ZNF521: variants seen among roughly 807,000 people sequenced by gnomAD.
ZNF521 encodes the protein LYST-interacting protein 3.
In ZNF521, 14 loss-of-function variants were observed where a neutral mutation model predicts 105.5. That is an observed-to-expected ratio of 0.13 (90% CI 0.09 to 0.21). The LOEUF (loss-of-function observed/expected upper bound fraction) is 0.21. Among genes scored for constraint, ZNF521 ranks in the 10% least tolerant of loss-of-function variants. The pLI is 1.00. For missense variants in ZNF521, 1,233 were observed against 1,629.7 expected (o/e 0.76, Z 4.19); for synonymous variants, 635 against 606.0 (o/e 1.05, Z -0.70).
intron 7 of ZNF521, among the ~76,000 whole-genome samples, chr18:25,068,820 T>C (rs1423272484): frequency 6.6e-6 from 1 of 152,170 alleles, no homozygotes; most frequent in African/African-American, 2.4e-5. Flanking sequence ...CCCAGAAGCA[T>C]ATACTGTACG....
chr18:25,352,104 C>T lies in ZNF521; in HGVS notation c.-101G>A. On this transcript the variant is annotated 5_prime_UTR_variant, in exon 1 of 8. Transcript: ENST00000361524. ...CCATCAGGATGGCTCCAGAGGGGGC[C>T]CCTAACCCGCAGGGACTCGCTCTGT... 2.1e-6 allele frequency: 1 copy of T among 481,308 alleles called. No individual in the cohort carries two copies. The highest frequency in any genetic ancestry group is 4.2e-6 in the Non-Finnish European group (1 of 238,542). 29.8% of individuals were successfully genotyped at this position (481,308 alleles called of 1,614,324 possible). A position where few individuals can be genotyped will look rare whatever the true frequency, so the allele number is the denominator to read the frequency against.
chr18:25,327,662 T>C (rs2145164126), intron 2 of ZNF521: 1 of 519,360 alleles, frequency 1.9e-6, no homozygotes, highest in South Asian at 1.4e-5. Flanking sequence ...TTGTGCTTTC[T>C]GGGCTCTAGA....
chr18:25,086,226 T>A (rs2033620245), intron 7 of ZNF521, among the ~76,000 whole-genome samples: 1 of 152,138 alleles, frequency 6.6e-6, no homozygotes, highest in South Asian at 2.1e-4. Context: ...TAGAAAATTT[T>A]TTTTCACTTG....
intron 5 of ZNF521, among the ~76,000 whole-genome samples, chr18:25,116,925 A>ATG (rs2034324806): frequency 7.0e-6 from 1 of 142,114 alleles, no homozygotes; most frequent in South Asian, 2.1e-4. Flanking sequence ...ATATCTATGT[A>ATG]TATATATACG....
At chr18:25,172,035 A>G (rs989936864) in intron 5 of ZNF521, among the ~76,000 whole-genome samples, 3 of 151,464 alleles carry the variant, frequency 2.0e-5, no homozygotes, top group Non-Finnish European at 4.4e-5. Context: ...TTTGGGGGGG[A>G]AGAGGGGGCA....
At chr18:25,256,989 T>C (rs1173007124) in intron 3 of ZNF521, among the ~76,000 whole-genome samples, 1 of 152,082 alleles carries the variant, frequency 6.6e-6, no homozygotes, top group Non-Finnish European at 1.5e-5. Flanking sequence ...AGGAACATTC[T>C]GGGCGAAGTC....
chr18:25,303,464 A>C (rs2145078422), intron 3 of ZNF521, among the ~76,000 whole-genome samples: 1 of 151,976 alleles, frequency 6.6e-6, no homozygotes. Context: ...TGCCCGGCTA[A>C]TTTTTGTAGT....
At chr18:25,143,630 T>A (rs2144450286) in intron 5 of ZNF521, among the ~76,000 whole-genome samples, 1 of 152,238 alleles carries the variant, frequency 6.6e-6, no homozygotes, top group Non-Finnish European at 1.5e-5. Context: ...GTAGCAAAGA[T>A]GCTAAGTAAC....
intron 5 of ZNF521, among the ~76,000 whole-genome samples, chr18:25,172,329 C>T (rs571374574): frequency 1.3e-5 from 2 of 152,232 alleles, no homozygotes; most frequent in East Asian, 1.9e-4. Flanking sequence ...TTTCTATTGC[C>T]GATTTTGGCA....
chr18:25,267,944 C>T (rs1195171689), intron 3 of ZNF521, among the ~76,000 whole-genome samples: 1 of 152,156 alleles, frequency 6.6e-6, no homozygotes, highest in Non-Finnish European at 1.5e-5. Context: ...CACAAATTGA[C>T]AGAAGTAGGC....
At chr18:25,321,959 CAGAAAT>C in intron 3 of ZNF521, 43 bp downstream of exon 3, 1 of 1,519,640 alleles carries the variant, frequency 6.6e-7, no homozygotes, top group East Asian at 2.3e-5. Context: ...CTGAAAAAAT[CAGAAAT>C]AGAACAGTAC....
At chr18:25,108,266 G>T (rs1455791429) in intron 5 of ZNF521, among the ~76,000 whole-genome samples, 1 of 152,132 alleles carries the variant, frequency 6.6e-6, no homozygotes, top group Non-Finnish European at 1.5e-5. Context: ...ACAGTGCACT[G>T]AAAATTGCAT....
At chr18:25,301,911 C>T (rs1264285857) in intron 3 of ZNF521, 1 of 152,178 alleles carries the variant, frequency 6.6e-6, no homozygotes, top group East Asian at 1.9e-4. Context: ...TGGGTAACAG[C>T]TTGTGGTGTG....
At chr18:25,283,934 A>AC (rs1491573815) in intron 3 of ZNF521, among the ~76,000 whole-genome samples, 1 of 114,106 alleles carries the variant, frequency 8.8e-6, no homozygotes, top group Non-Finnish European at 2.0e-5. Flanking sequence ...CCCCCCCCCC[A>AC]AAAAAATTCA....
chr18:25,216,518 T>C (rs907776673), intron 4 of ZNF521, among the ~76,000 whole-genome samples: 1 of 152,184 alleles, frequency 6.6e-6, no homozygotes, highest in East Asian at 1.9e-4. Context: ...GCCCTTATGA[T>C]AAGTTGATGG....
chr18:25,251,767 C>A (rs1448518752), intron 3 of ZNF521, among the ~76,000 whole-genome samples: 1 of 152,148 alleles, frequency 6.6e-6, no homozygotes, highest in African/African-American at 2.4e-5. Context: ...CGGTGAACAG[C>A]TAAATATTTT....
At chr18:25,300,689 T>G (rs1001571026) in intron 3 of ZNF521, among the ~76,000 whole-genome samples, 2 of 152,020 alleles carry the variant, frequency 1.3e-5, no homozygotes, top group African/African-American at 4.8e-5. Context: ...CCGCAATTAC[T>G]TTTGCACCAA....
intron 3 of ZNF521, among the ~76,000 whole-genome samples, chr18:25,306,586 T>A (rs368352287): frequency 7.2e-5 from 11 of 152,292 alleles, no homozygotes; most frequent in Middle Eastern, 3.4e-3. Context: ...ATGCCTCATA[T>A]TGAAAGACAA....
intron 5 of ZNF521, among the ~76,000 whole-genome samples, chr18:25,194,644 G>A (rs202232777): frequency 6.6e-6 from 1 of 151,588 alleles, no homozygotes; most frequent in Non-Finnish European, 1.5e-5. Flanking sequence ...TTCTTTACAT[G>A]ATCTTTATGA....
Sources: allele counts gnomAD v4.1 joint callset (sites outside exome capture counted in the v4.1 genomes callset), GRCh38; gene constraint gnomAD v4.1.1; transcripts MANE v1.5; gene names NCBI Gene and HGNC (gene_info 2026-07-23, HGNC 2026-07-21).